Variants in KIF7 observed in about 807,000 individuals in gnomAD.
The protein encoded by KIF7 is kinesin family member 7.
A neutral mutation model predicts 135.7 loss-of-function variants in KIF7; 104 were observed. The ratio of observed to expected loss-of-function variants is 0.77; its 90% CI spans 0.65 to 0.90. KIF7 has a LOEUF of 0.90. KIF7 is among the 40% of genes least tolerant of loss of function. The pLI is 0.00. For synonymous variants in KIF7, 883 were observed against 809.4 expected, an observed-to-expected ratio of 1.09 and a Z score of -1.54; for missense variants, 2,005 against 1,839.1, an observed-to-expected ratio of 1.09 and a Z score of -1.65.
At chr15:89,662,474 G>C in the KIF7 span, among the ~76,000 whole-genome samples, 1 of 152,210 alleles carries the variant, frequency 6.6e-6, no homozygotes, top group East Asian at 1.9e-4. Context: ...CTCCAGCCTG[G>C]GTGACAGAGT....
chr15:89,620,402 T>G (rs138194292), intron 1 of KIF7, among the ~76,000 whole-genome samples: 1,877 of 151,908 alleles, frequency 0.012, 52 homozygotes, highest in African/African-American at 0.044. Context: ...AAGACTGGGT[T>G]TCACCATGTT....
At chr15:89,618,075 T>A in exon 2 of KIF7, 2 of 1,410,460 alleles carry the variant, frequency 1.4e-6, no homozygotes, top group South Asian at 1.2e-5. Context: ...TCTTGTTAAG[T>A]GAGAAGCTGC....
At chr15:89,633,304 G>A (rs1963727062) in intron 12 of KIF7, 38 bp from the exon 13 acceptor site, 3 of 1,540,884 alleles carry the variant, frequency 1.9e-6, no homozygotes, top group African/African-American at 1.4e-5. Context: ...TGTTTATGGT[G>A]CCAGCATCTT....
chr15:89,654,748 CCCT>C (rs1306160129), intron 1 of KIF7, among the ~76,000 whole-genome samples: 1 of 152,212 alleles, frequency 6.6e-6, no homozygotes, highest in Non-Finnish European at 1.5e-5. Flanking sequence ...TCCCTGCCCT[CCCT>C]CCTCCTACCG....
downstream of KIF7, chr15:89,624,387 A>T (rs1283185567): frequency 6.2e-7 from 1 of 1,614,076 alleles, no homozygotes; most frequent in East Asian, 2.2e-5. Flanking sequence ...CTGTTCCCTC[A>T]ACTCCCCCTG....
chr15:89,638,203 C>T (rs1963849848), intron 11 of KIF7, among the ~76,000 whole-genome samples: 1 of 100,614 alleles, frequency 9.9e-6, no homozygotes, highest in Non-Finnish European at 2.2e-5. Context: ...TCATAATGGG[C>T]AAAAACTGGA....
intron 11 of KIF7, among the ~76,000 whole-genome samples, chr15:89,634,755 T>TGC (rs910187103): frequency 6.6e-5 from 10 of 151,820 alleles, no homozygotes; most frequent in African/African-American, 2.4e-4. Flanking sequence ...GGGGGAGGGG[T>TGC]GCCCACCATT....
downstream of KIF7, chr15:89,625,477 C>A (rs761340130): frequency 6.2e-7 from 1 of 1,613,912 alleles, no homozygotes; most frequent in Admixed American, 1.7e-5. Flanking sequence ...GGGCAAGGAC[C>A]ACGGCCTTGA....
chr15:89,630,425 A>G lies in KIF7; in HGVS notation c.3180T>C (p.Asn1060=). 1 of 1,602,936 alleles carries G rather than the reference A, an allele frequency of 6.2e-7. No homozygotes were observed. Among genetic ancestry groups the G allele is most frequent in the Non-Finnish European group, 8.5e-7 (1 of 1,174,654 alleles). The change falls in exon 16 of 19, where the codon AAT becomes AAC. Residue 1060 remains asparagine (N), a synonymous_variant. Transcript: ENST00000394412. ...CCCGCTGGCGGCATGTGATGGCCTC[A>G]TTCTTATACTCAATGGCAGCATCCA... ...EALDAAIEYK[N]EAITCRQRVL...
chr15:89,634,819 C>A (rs1963769310), intron 11 of KIF7, among the ~76,000 whole-genome samples: 1 of 152,200 alleles, frequency 6.6e-6, no homozygotes, highest in African/African-American at 2.4e-5. Flanking sequence ...CTGGGTGGAG[C>A]CCACCACAGC....
chr15:89,640,746 G>A (rs1344189880), intron 11 of KIF7, among the ~76,000 whole-genome samples: 1 of 151,982 alleles, frequency 6.6e-6, no homozygotes, highest in Non-Finnish European at 1.5e-5. Flanking sequence ...GAACTTTTGG[G>A]AGGCCAAGAT....
At position 89,628,289 on chromosome 15, in the gene KIF7, A is replaced by G; in HGVS notation, c.*130T>C. ...GCCATGGCCCAAATTTGTTGATCCC[A>G]GTGAGGGTACAGATGAGGGCCTGGA... On this transcript the variant is annotated 3_prime_UTR_variant, in exon 19 of 19. Transcript: ENST00000394412. The G allele has an allele frequency of 8.2e-7, 1 of 1,219,054 alleles. No individual in the cohort carries two copies. 75.5% of individuals were successfully genotyped at this position (1,219,054 alleles called of 1,614,324 possible).
rs1456774747 is a variant in KIF7 at position 89,642,329 on chromosome 15, C to T, written c.2268G>A (p.Arg756=). Residue 756 remains arginine, a synonymous_variant, in exon 11 of 19, where the codon CGG becomes CGA. Transcript: ENST00000394412. ...GCCTCTGGCCTTCACTCAGCTCGGC[C>T]CGCACCTGCTCTGCCTCCTGCTCCA... ...RELEQEAEQV[R]AELSEGQRQL... The T allele has an allele frequency of 9.3e-6, 15 of 1,610,782 alleles. No individual in the cohort carries two copies. The highest frequency in any genetic ancestry group is 1.3e-5 in the Non-Finnish European group (15 of 1,179,328).
intron 11 of KIF7, among the ~76,000 whole-genome samples, chr15:89,637,779 C>A (rs1046252898): frequency 7.0e-6 from 1 of 143,696 alleles, no homozygotes; most frequent in African/African-American, 2.6e-5. Context: ...GAAACTATTC[C>A]AATCAATAGA....
At chr15:89,630,201 G>T in intron 16 of KIF7, 86 bp downstream of exon 16, 1 of 1,270,106 alleles carries the variant, frequency 7.9e-7, no homozygotes. Context: ...GGAGGAAACG[G>T]GATATCCGCT....
intron 11 of KIF7, among the ~76,000 whole-genome samples, chr15:89,641,365 C>G (rs556699062): frequency 2.6e-5 from 4 of 152,322 alleles, no homozygotes; most frequent in African/African-American, 7.2e-5. Flanking sequence ...AACTAAACTT[C>G]TGCTGTTTAA....
At chr15:89,646,578 T>G (rs1468117872) in intron 7 of KIF7, among the ~76,000 whole-genome samples, 1 of 152,190 alleles carries the variant, frequency 6.6e-6, no homozygotes, top group African/African-American at 2.4e-5. Context: ...GAACCCCCTC[T>G]GTAACCTCCT....
chr15:89,644,327 G>T (rs1305085553), intron 10 of KIF7, among the ~76,000 whole-genome samples: 1 of 152,152 alleles, frequency 6.6e-6, no homozygotes, highest in Non-Finnish European at 1.5e-5. Context: ...TGCTCCCCAG[G>T]ACTGAGAGAT....
In KIF7 at chr15:89,648,668, T is replaced by A; in HGVS notation, c.1030A>T (p.Ser344Cys). Reference protein sequence around the residue: ...DETLNTLNYASRAQNIRNRAT... With the variant: ...DETLNTLNYACRAQNIRNRAT... ...CGGTTGCGGATGTTCTGGGCGCGGC[T>A]GGCGTAGTTGAGGGTGTTGAGGGTC... Residue 344 changes from serine to cysteine, a missense_variant, in exon 5 of 19, where the codon AGC (serine) becomes TGC (cysteine). Coordinates refer to ENST00000394412, the MANE Select transcript of KIF7 (RefSeq NM_198525.3). 3 of 1,535,784 alleles carry A rather than the reference T, an allele frequency of 2.0e-6. No individual in the cohort carries two copies. The highest frequency in any genetic ancestry group is 2.6e-6 in the Non-Finnish European group (3 of 1,146,312).
Sources: gnomAD v4.1 joint callset for allele counts (sites outside exome capture counted in the v4.1 genomes callset) on GRCh38, gnomAD v4.1.1 for gene constraint, MANE v1.5 for transcripts, NCBI Gene and HGNC (gene_info 2026-07-23, HGNC 2026-07-21) for gene names.